Variants in ALG13 observed in about 807,000 individuals in gnomAD.
ALG13 encodes the protein UDP-N-acetylglucosamine transferase subunit ALG13.
ALG13 carries 11 observed loss-of-function variants against 87.8 expected under a neutral mutation model. That is an observed-to-expected ratio of 0.13 (90% CI 0.08 to 0.21). The LOEUF is 0.21. Among genes scored for constraint, ALG13 ranks in the 10% least tolerant of loss-of-function variants. The pLI is 1.00. For synonymous variants in ALG13, 320 were observed against 306.3 expected, an observed-to-expected ratio of 1.04 and a Z score of -0.47; for missense variants, 756 against 866.1, an observed-to-expected ratio of 0.87 and a Z score of 1.60.
At chrX:111,737,130 G>T in intron 23 of ALG13, 1 of 246,906 alleles carries the variant, frequency 4.1e-6, no homozygotes, top group Non-Finnish European at 7.2e-6. Context: ...TAGGGGACTT[G>T]TACTAGTTTC....
At chrX:111,703,940 A>G (rs754193210) in intron 3 of ALG13, among the ~76,000 whole-genome samples, 2 of 112,068 alleles carry the variant, frequency 1.8e-5, no homozygotes, top group Non-Finnish European at 3.8e-5. Context: ...CTGTTAAACT[A>G]TTTTCCACAG....
chrX:111,724,205 G>A (rs745716628), intron 14 of ALG13, among the ~76,000 whole-genome samples: 1 of 112,140 alleles, frequency 8.9e-6, no homozygotes, highest in Non-Finnish European at 1.9e-5. Flanking sequence ...CTGAGCCTCT[G>A]CCAGCATGAA....
intron 23 of ALG13, among the ~76,000 whole-genome samples, chrX:111,741,204 G>T (rs5985641): frequency 0.03 from 3,327 of 111,814 alleles, 116 homozygotes; most frequent in African/African-American, 0.1. Context: ...ACTATGGGAA[G>T]CTTGTCAGGT....
chrX:111,710,040 T>C (rs1602646775), intron 5 of ALG13, among the ~76,000 whole-genome samples: 1 of 109,010 alleles, frequency 9.2e-6, no homozygotes, highest in African/African-American at 3.4e-5. Context: ...TTTTTTTTTT[T>C]CTTACCTTGA....
intron 3 of ALG13, among the ~76,000 whole-genome samples, chrX:111,701,941 G>A (rs1937951816): frequency 9.0e-6 from 1 of 111,046 alleles, no homozygotes; most frequent in South Asian, 3.7e-4. Flanking sequence ...TTGTTCAGAA[G>A]CATTTTGTCT....
chrX:111,755,549 T>C (rs763707875), intron 25 of ALG13, among the ~76,000 whole-genome samples: 63 of 112,541 alleles, frequency 5.6e-4, no homozygotes, highest in African/African-American at 2.0e-3. Context: ...AAAGGGCTAA[T>C]ATCCAGAATC....
chrX:111,728,027 T>C (rs1942255486), intron 18 of ALG13, among the ~76,000 whole-genome samples, 158 bp from the exon 19 acceptor site: 1 of 112,669 alleles, frequency 8.9e-6, no homozygotes. Flanking sequence ...ATTTTTTGTA[T>C]TCTAAACTGC....
intron 3 of ALG13, among the ~76,000 whole-genome samples, chrX:111,694,323 G>C (rs1219084322): frequency 2.7e-5 from 3 of 111,549 alleles, no homozygotes; most frequent in Admixed American, 1.9e-4. Flanking sequence ...GGGATTACAG[G>C]CATGAGCCAC....
chrX:111,710,987 A>G lies in ALG13; in HGVS notation c.835-688A>G, dbSNP rs1239225765. ...GCTGGGATTACAGGCGTGAGCCACA[A>G]CACCCAGCCTGTATGTCATTTATAT... On this transcript the variant is annotated intron_variant, in intron 5 of 26. Coordinates refer to ENST00000394780, the MANE Select transcript of ALG13 (RefSeq NM_001099922.3). 8.0e-5 allele frequency: 9 copies of G among 112,462 alleles called. No individual in the cohort carries two copies. In the East Asian group the frequency reaches 2.2e-3, roughly 28 times the overall value. 9.3% of individuals were successfully genotyped at this position (112,462 alleles called of 1,213,427 possible).
chrX:111,699,254 G>C (rs1411425983), intron 3 of ALG13, among the ~76,000 whole-genome samples: 1 of 108,072 alleles, frequency 9.3e-6, no homozygotes, highest in Non-Finnish European at 1.9e-5. Context: ...TTTTTTTTTC[G>C]AGTTATTTGA....
intron 3 of ALG13, among the ~76,000 whole-genome samples, chrX:111,700,793 A>G (rs1194740652): frequency 1.0e-3 from 89 of 88,218 alleles, no homozygotes; most frequent in African/African-American, 3.6e-3. Context: ...CGGTTTCACT[A>G]TGTTGGCCAG....
At chrX:111,741,331 T>C in intron 23 of ALG13, among the ~76,000 whole-genome samples, 1 of 111,626 alleles carries the variant, frequency 9.0e-6, no homozygotes, top group Middle Eastern at 4.7e-3. Flanking sequence ...AAAAAACTGC[T>C]GTTCAAGGAT....
intron 25 of ALG13, 167 bp from the exon 26 acceptor site, chrX:111,757,421 G>T (rs572149360): frequency 8.1e-6 from 3 of 370,805 alleles, no homozygotes; most frequent in South Asian, 1.4e-4. Context: ...AGTTCTAATA[G>T]AGAACAGACT....
chrX:111,751,044 A>G (rs777510824), intron 24 of ALG13, among the ~76,000 whole-genome samples: 4 of 107,615 alleles, frequency 3.7e-5, no homozygotes, highest in South Asian at 4.1e-4. Context: ...TTAAAAGACT[A>G]CAGTATAGTG....
intron 8 of ALG13, among the ~76,000 whole-genome samples, chrX:111,717,478 G>A (rs1388677766): frequency 2.7e-5 from 3 of 109,347 alleles, no homozygotes; most frequent in Non-Finnish European, 5.7e-5. Flanking sequence ...TTGGAAGTTA[G>A]CTGGGTCTTT....
chrX:111,709,790 C>G (rs772390643), intron 5 of ALG13, among the ~76,000 whole-genome samples: 1 of 110,067 alleles, frequency 9.1e-6, no homozygotes, highest in South Asian at 3.8e-4. Context: ...ATTTTCTCAA[C>G]TGGTTTCAGT....
Position 111,759,886 on chromosome X carries a change from G to C in ALG13, c.3301G>C (p.Val1101Leu), listed in dbSNP as rs1370248370. Residue 1101 changes from valine to leucine, a missense_variant, in exon 27 of 27, where the codon GTT (valine) becomes CTT (leucine). This residue lies in a region of ALG13 where 110 missense variants were observed against 104.9 expected (regional missense o/e 1.05). Transcript: ENST00000394780. ...TTCCTGTGTTCCCCCCTGGCATCCA[G>C]TTGGTACAGCATATGGTGGTTCTTC... ...DYSCVPPWHP[V>L]GTAYGGSSQI... is the part of the protein sequence containing the mutation. 2 of 1,208,833 alleles carry C rather than the reference G, an allele frequency of 1.7e-6. No homozygotes were observed. The highest frequency in any genetic ancestry group is 3.5e-5 in the African/African-American group (2 of 56,880).
chrX:111,690,906 T>A (rs1936019628), intron 3 of ALG13, among the ~76,000 whole-genome samples: 1 of 111,534 alleles, frequency 9.0e-6, no homozygotes, highest in South Asian at 3.7e-4. Flanking sequence ...TTTATTGTGG[T>A]ATAAGCACGT....
rs771610606 is a variant in ALG13 at position 111,744,839 on chromosome X, A to AACC, written c.2879_2881dup (p.Pro960dup). 1.5e-4 allele frequency: 182 copies of AACC among 1,186,107 alleles called. 1 individual carries two copies. The highest frequency in any genetic ancestry group is 2.0e-4 in the Non-Finnish European group (173 of 885,454). ...GATGTGGGAGAGACTTCAAACTTAC[A>AACC]ACCACCACCACCACTACCACCTCCA... On this transcript the variant is annotated inframe_insertion, in exon 24 of 27. Transcript: ENST00000394780.
Sources: gnomAD v4.1 joint callset for allele counts (sites outside exome capture counted in the v4.1 genomes callset) on GRCh38, gnomAD v4.1.1 for gene constraint, gnomAD v4.1.1 regional missense constraint, MANE v1.5 for transcripts, NCBI Gene and HGNC (gene_info 2026-07-23, HGNC 2026-07-21) for gene names.